KATNIP: variants seen among roughly 807,000 people sequenced by gnomAD.
The protein encoded by KATNIP is katanin-interacting protein.
Under a neutral mutation model 174.0 loss-of-function variants are expected in KATNIP, and 126 were observed. The ratio of observed to expected loss-of-function variants is 0.72; its 90% CI spans 0.63 to 0.84. The LOEUF (loss-of-function observed/expected upper bound fraction) is 0.84, where lower values mean the gene tolerates loss of function less well. Ranked by LOEUF, KATNIP falls within the 40% of genes least tolerant of loss-of-function variation. The pLI is 0.00. For synonymous variants in KATNIP, 810 were observed against 835.7 expected (o/e 0.97, Z 0.53); for missense variants, 1,958 against 2,109.7 (o/e 0.93, Z 1.41).
At chr16:27,631,233 A>C in intron 5 of KATNIP, 71 bp downstream of exon 5, 1 of 1,233,924 alleles carries the variant, frequency 8.1e-7, no homozygotes, top group Non-Finnish European at 1.2e-6. Flanking sequence ...TAGAAATACA[A>C]TCAGAGCATT....
intron 5 of KATNIP, among the ~76,000 whole-genome samples, chr16:27,642,045 G>A (rs1460200158): frequency 1.3e-5 from 2 of 152,234 alleles, no homozygotes; most frequent in African/African-American, 4.8e-5. Flanking sequence ...AGTTTCTGGG[G>A]AGGAGGGAGG....
intron 6 of KATNIP, among the ~76,000 whole-genome samples, chr16:27,655,224 ATATATT>A (rs2077239234): frequency 1.7e-4 from 11 of 65,334 alleles, no homozygotes; most frequent in African/African-American, 4.3e-4. Flanking sequence ...ATATATATAT[ATATATT>A]TTGTTTGTTT....
chr16:27,595,509 T>C (rs1424434248), intron 2 of KATNIP, among the ~76,000 whole-genome samples: 1 of 152,198 alleles, frequency 6.6e-6, no homozygotes, highest in Non-Finnish European at 1.5e-5. Context: ...TGGGAGCAAA[T>C]GAGCATCACC....
chr16:27,757,816 C>T (rs573868886), intron 18 of KATNIP, among the ~76,000 whole-genome samples: 18 of 152,028 alleles, frequency 1.2e-4, no homozygotes, highest in Non-Finnish European at 1.8e-4. Flanking sequence ...TAAAGTGACC[C>T]GGGGGGAATG....
intron 11 of KATNIP, among the ~76,000 whole-genome samples, chr16:27,702,544 G>T (rs2079140179): frequency 6.6e-6 from 1 of 152,226 alleles, no homozygotes; most frequent in Admixed American, 6.5e-5. Context: ...AGCTGTGCAT[G>T]TTGTGCACTG....
At chr16:27,601,593 A>G (rs147310916) in intron 2 of KATNIP, among the ~76,000 whole-genome samples, 3,208 of 152,250 alleles carry the variant, frequency 0.021, 136 homozygotes, top group African/African-American at 0.073. Flanking sequence ...TGGGATTACA[A>G]GCATGAGCCA....
At chr16:27,718,726 G>A (rs1182737065) in intron 13 of KATNIP, 1 of 150,204 alleles carries the variant, frequency 6.7e-6, no homozygotes, top group East Asian at 1.9e-4. Context: ...CTGGATTTGG[G>A]GATGTGGTTT....
chr16:27,645,229 G>A (rs2076923459), intron 5 of KATNIP, among the ~76,000 whole-genome samples: 1 of 152,250 alleles, frequency 6.6e-6, no homozygotes, highest in Admixed American at 6.5e-5. Flanking sequence ...GTACAGCCCT[G>A]TGGTGCTGTG....
intron 20 of KATNIP, among the ~76,000 whole-genome samples, chr16:27,769,598 G>A (rs1453303194): frequency 1.3e-5 from 2 of 152,224 alleles, no homozygotes; most frequent in African/African-American, 4.8e-5. Context: ...TGTTGAGGTG[G>A]GCGAGGCCTT....
intron 15 of KATNIP, among the ~76,000 whole-genome samples, chr16:27,741,943 T>C (rs9927110): frequency 0.19 from 28,107 of 151,844 alleles, 2,966 homozygotes; most frequent in African/African-American, 0.29. Flanking sequence ...CCAGACCTCC[T>C]CTTTACTTTT....
At chr16:27,603,619 T>C (rs1030817984) in intron 2 of KATNIP, among the ~76,000 whole-genome samples, 2 of 152,122 alleles carry the variant, frequency 1.3e-5, no homozygotes, top group African/African-American at 4.8e-5. Flanking sequence ...TACTTTCTTC[T>C]TTTTTAGAGA....
chr16:27,769,776 G>A, intron 20 of KATNIP, 85 bp from the exon 21 acceptor site: 1 of 1,513,512 alleles, frequency 6.6e-7, no homozygotes, highest in East Asian at 2.3e-5. Flanking sequence ...GAGCACAGCT[G>A]CCAGCAGCTC....
At chr16:27,578,682 A>G (rs1385357540) in intron 2 of KATNIP, among the ~76,000 whole-genome samples, 4 of 152,102 alleles carry the variant, frequency 2.6e-5, no homozygotes, top group Non-Finnish European at 4.4e-5. Context: ...GGTTTAAGTG[A>G]TCCTTCTGCC....
chr16:27,601,052 A>G (rs1036356798), intron 2 of KATNIP, among the ~76,000 whole-genome samples: 1 of 152,182 alleles, frequency 6.6e-6, no homozygotes, highest in African/African-American at 2.4e-5. Context: ...TCCTCTTGAT[A>G]GCATCTGCCA....
At chr16:27,678,733 T>A (rs1287938223) in intron 7 of KATNIP, among the ~76,000 whole-genome samples, 2 of 152,144 alleles carry the variant, frequency 1.3e-5, no homozygotes, top group Non-Finnish European at 1.5e-5. Context: ...GGTGTGGTTA[T>A]CACCACCCAG....
In KATNIP at chr16:27,736,928, T is replaced by C. The variant is rs1222621835; in HGVS notation, c.1744-3113T>C. 2.0e-5 allele frequency among the ~76,000 whole-genome samples: 3 copies of C among 151,988 alleles called. No homozygotes were observed. The East Asian group carries it at 5.8e-4, about 29-fold the overall frequency. ...CAAGGAGGTCAGCTCCAGGGCGTGT[T>C]CTGGAGAGAGAGCCGAGGGACGTGC... On this transcript the variant is annotated intron_variant, in intron 14 of 27. Transcript: ENST00000261588.
At chr16:27,566,370 C>G (rs190169600) in intron 1 of KATNIP, among the ~76,000 whole-genome samples, 1 of 152,110 alleles carries the variant, frequency 6.6e-6, no homozygotes, top group Non-Finnish European at 1.5e-5. Context: ...AAAACCCAGT[C>G]TCTACTAATT....
rs541138899 is a variant in KATNIP, at chr16:27,573,915, A to G, written c.22A>G (p.Lys8Glu). 8.7e-6 allele frequency: 14 copies of G among 1,614,198 alleles called. No homozygotes were observed. The highest frequency in any genetic ancestry group is 1.7e-5 in the Admixed American group (1 of 60,022). The change falls in exon 2 of 28, where the codon AAG (lysine) becomes GAG (glutamate). Residue 8 changes from lysine (K) to glutamate (E), a missense_variant. By Grantham distance (56) the Lys-to-Glu change is moderately conservative (BLOSUM62 1). Coordinates refer to ENST00000261588, the MANE Select transcript of KATNIP (RefSeq NM_015202.5). Reference sequence around the variant, plus strand: ...AACTGCGACAGGTCAGACTCTGCGAAAGGCCGAGAGAAGCTGGTCCTGCTC... The same window carrying G: ...AACTGCGACAGGTCAGACTCTGCGAGAGGCCGAGAGAAGCTGGTCCTGCTC... MDGQTLR[K>E]AERSWSCSRE...
chr16:27,770,379 A>T (rs1421990254), intron 21 of KATNIP, among the ~76,000 whole-genome samples: 1 of 152,228 alleles, frequency 6.6e-6, no homozygotes, highest in Non-Finnish European at 1.5e-5. Context: ...GAAAGATTCA[A>T]GGAGAAAAAT....
Sources: gnomAD v4.1 joint callset for allele counts (sites outside exome capture counted in the v4.1 genomes callset) on GRCh38, gnomAD v4.1.1 for gene constraint, MANE v1.5 for transcripts, NCBI Gene and HGNC (gene_info 2026-07-23, HGNC 2026-07-21) for gene names.